EPHA3: variants seen among roughly 807,000 people sequenced by gnomAD.
The protein encoded by EPHA3 is ephrin type-A receptor 3.
In EPHA3, 42 loss-of-function variants were observed where a neutral mutation model predicts 107.1. The observed-to-expected ratio is 0.39, with a 90% CI of 0.31 to 0.51. EPHA3 has a LOEUF of 0.51. Ranked by LOEUF, EPHA3 falls within the 20% of genes least tolerant of loss-of-function variation. The probability of loss-of-function intolerance (pLI) is 0.78; values close to 1 mark genes in which losing one functional copy is unlikely to be tolerated. For missense variants in EPHA3, 1,183 were observed against 1,211.2 expected (o/e 0.98, Z 0.35); for synonymous variants, 461 against 424.8 (o/e 1.09, Z -1.05).
At chr3:89,361,640 C>T (rs974306377) in intron 5 of EPHA3, among the ~76,000 whole-genome samples, 2 of 151,142 alleles carry the variant, frequency 1.3e-5, no homozygotes, top group African/African-American at 2.4e-5. Context: ...GTTGCTTTTA[C>T]TTAATGAAAT....
intron 15 of EPHA3, among the ~76,000 whole-genome samples, chr3:89,456,305 GTAGT>G (rs1710096517): frequency 6.6e-6 from 1 of 152,156 alleles, no homozygotes; most frequent in African/African-American, 2.4e-5. Flanking sequence ...TCTGAATGGT[GTAGT>G]TATTCAGATC....
chr3:89,472,693 A>T, intron 16 of EPHA3, 74 bp downstream of exon 16: 1 of 1,435,986 alleles, frequency 7.0e-7, no homozygotes, highest in Non-Finnish European at 9.3e-7. Flanking sequence ...AAAGATTTGT[A>T]ACATCTTGGC....
intron 2 of EPHA3, among the ~76,000 whole-genome samples, chr3:89,138,073 A>C (rs973353266): frequency 2.6e-5 from 4 of 151,958 alleles, no homozygotes; most frequent in Admixed American, 2.0e-4. Flanking sequence ...CACAGTACTT[A>C]CTAAGATATT....
chr3:89,369,810 GA>G (rs1181406418), intron 5 of EPHA3, among the ~76,000 whole-genome samples: 2 of 149,238 alleles, frequency 1.3e-5, no homozygotes, highest in Admixed American at 6.7e-5. Flanking sequence ...AAATTTACAA[GA>G]AAAAAACAAA....
At chr3:89,169,913 G>A (rs1054985280) in intron 2 of EPHA3, among the ~76,000 whole-genome samples, 4 of 152,140 alleles carry the variant, frequency 2.6e-5, no homozygotes, top group Non-Finnish European at 5.9e-5. Context: ...TTTTGACAGA[G>A]CCAGATGAAC....
Position 89,468,003 on chromosome 3 carries a change from G to C in EPHA3, c.2691-4461G>C, listed in dbSNP as rs1329421545. ...AATTTCCCCTTCAGACCAATGTCTG[G>C]GGCTGGGTCTGAAAAAACGCCAATG... is the stretch of plus-strand genomic sequence containing the variant. On this transcript the variant is annotated intron_variant, in intron 15 of 16. Transcript: ENST00000336596. Among the ~76,000 whole-genome samples, 4 of 152,092 alleles carry C rather than the reference G, an allele frequency of 2.6e-5. No homozygotes were observed. The East Asian group carries it at 7.7e-4, about 29-fold the overall frequency.
At chr3:89,233,845 C>T (rs1011566920) in intron 3 of EPHA3, among the ~76,000 whole-genome samples, 2 of 152,150 alleles carry the variant, frequency 1.3e-5, no homozygotes, top group African/African-American at 4.8e-5. Context: ...TGATGATTTG[C>T]TATTTTCCAA....
chr3:89,286,385 A>G (rs1706084122), intron 3 of EPHA3, among the ~76,000 whole-genome samples: 1 of 151,968 alleles, frequency 6.6e-6, no homozygotes, highest in South Asian at 2.1e-4. Flanking sequence ...GAGGTCCATC[A>G]TCTGATTAAT....
chr3:89,146,474 C>A (rs1413552815), intron 2 of EPHA3, among the ~76,000 whole-genome samples: 2 of 151,874 alleles, frequency 1.3e-5, no homozygotes, highest in African/African-American at 2.4e-5. Flanking sequence ...CCTTTGCCAA[C>A]TTTTTTGATG....
rs76944809 is a variant in EPHA3, at chr3:89,160,056, A to G, written c.153+32783A>G. Among the ~76,000 whole-genome samples, 621 of 152,222 alleles carry G rather than the reference A, an allele frequency of 4.1e-3. 3 individuals are homozygous for G. Among genetic ancestry groups the G allele is most frequent in the African/African-American group, 0.011 (450 of 41,554 alleles). ...AAATACTACAATAACCCGACACTCT[A>G]AGACCGTTATCCTAAAGCAGTATAC... On this transcript the variant is annotated intron_variant, in intron 2 of 16. Coordinates refer to ENST00000336596, the MANE Select transcript of EPHA3 (RefSeq NM_005233.6).
At chr3:89,371,533 T>C (rs1708302927) in intron 5 of EPHA3, among the ~76,000 whole-genome samples, 1 of 151,662 alleles carries the variant, frequency 6.6e-6, no homozygotes, top group African/African-American at 2.4e-5. Context: ...TTTGTATTCC[T>C]TATAAGGAGA....
intron 13 of EPHA3, among the ~76,000 whole-genome samples, chr3:89,442,789 A>G (rs1254147473): frequency 6.6e-6 from 1 of 152,216 alleles, no homozygotes; most frequent in Admixed American, 6.5e-5. Context: ...CAGACTAGCC[A>G]TCTGTTATCA....
At chr3:89,471,463 G>T (rs1165322970) in intron 15 of EPHA3, among the ~76,000 whole-genome samples, 1 of 152,150 alleles carries the variant, frequency 6.6e-6, no homozygotes, top group Admixed American at 6.5e-5. Context: ...TCGCCTCCCA[G>T]GTTCAAGCGA....
chr3:89,195,410 G>T (rs1705816217), intron 2 of EPHA3, among the ~76,000 whole-genome samples: 1 of 152,060 alleles, frequency 6.6e-6, no homozygotes, highest in Non-Finnish European at 1.5e-5. Context: ...GCTTCATTTT[G>T]TCTCATCTAT....
At chr3:89,253,218 T>C (rs1486162328) in intron 3 of EPHA3, among the ~76,000 whole-genome samples, 7 of 152,146 alleles carry the variant, frequency 4.6e-5, no homozygotes, top group African/African-American at 1.7e-4. Context: ...ACCTTTTTTC[T>C]TTTTCCAATG....
At chr3:89,208,835 C>T (rs892122787) in intron 2 of EPHA3, among the ~76,000 whole-genome samples, 10 of 152,006 alleles carry the variant, frequency 6.6e-5, no homozygotes, top group African/African-American at 1.9e-4. Context: ...AAAGTTTTTG[C>T]GTAAGTAACA....
chr3:89,470,586 C>T (rs1262566573), intron 15 of EPHA3, among the ~76,000 whole-genome samples: 2 of 152,176 alleles, frequency 1.3e-5, no homozygotes, highest in African/African-American at 4.8e-5. Flanking sequence ...TGTGGTATAC[C>T]TGGGATTCAA....
chr3:89,427,310 C>T (rs1252887333), intron 11 of EPHA3, among the ~76,000 whole-genome samples: 1 of 151,720 alleles, frequency 6.6e-6, no homozygotes, highest in Non-Finnish European at 1.5e-5. Flanking sequence ...GATGCTAACT[C>T]ATAATTTACA....
intron 3 of EPHA3, among the ~76,000 whole-genome samples, chr3:89,224,976 T>G (rs1167967007): frequency 6.6e-6 from 1 of 152,120 alleles, no homozygotes; most frequent in Non-Finnish European, 1.5e-5. Flanking sequence ...TTAGTGAGAT[T>G]AGCTTTCCAG....
Sources: allele counts gnomAD v4.1 joint callset (sites outside exome capture counted in the v4.1 genomes callset), GRCh38; gene constraint gnomAD v4.1.1; transcripts MANE v1.5; gene names NCBI Gene and HGNC (gene_info 2026-07-23, HGNC 2026-07-21).